Variants in LPP observed in about 807,000 individuals in gnomAD.
LPP encodes the protein LIM domain containing preferred translocation partner in lipoma.
A neutral mutation model predicts 60.4 loss-of-function variants in LPP; 38 were observed. That is an observed-to-expected ratio of 0.63 (90% CI 0.49 to 0.83). LPP has a LOEUF of 0.83. LPP is among the 40% of genes least tolerant of loss of function. The pLI is 0.00. For missense variants in LPP, 902 were observed against 783.6 expected, an observed-to-expected ratio of 1.15 and a Z score of -1.80; for synonymous variants, 328 against 290.8, an observed-to-expected ratio of 1.13 and a Z score of -1.30.
chr3:188,353,979 CA>C (rs1766751225), intron 3 of LPP, among the ~76,000 whole-genome samples: 1 of 149,106 alleles, frequency 6.7e-6, no homozygotes, highest in South Asian at 2.1e-4. Flanking sequence ...TTTTTGGTTT[CA>C]AAAAAAGGAT....
rs140751676 is a variant in LPP at position 188,862,712 on chromosome 3, C to CAAAAAAAAA, written c.1411-3481_1411-3480insAAAAAAAAA. On this transcript the variant is annotated intron_variant, in intron 9 of 11. Coordinates refer to ENST00000617246, the MANE Select transcript of LPP (RefSeq NM_001375462.1). ...TATCAATGCTGGCAACCCTACTAGA[C>CAAAAAAAAA]AAAAAAATAAATAAATAAATAAATA... is the stretch of plus-strand genomic sequence containing the variant. Among the ~76,000 whole-genome samples, 87 of 55,358 alleles carry CAAAAAAAAA rather than the reference C, an allele frequency of 1.6e-3. 3 individuals carry two copies. Among genetic ancestry groups the CAAAAAAAAA allele is most frequent in the East Asian group, 4.3e-3 (3 of 696 alleles). The allele number at this position is 55,358 out of a possible 152,430, so 36.3% of individuals were successfully genotyped here.
chr3:188,532,176 G>A (rs1822358847), intron 6 of LPP, among the ~76,000 whole-genome samples: 1 of 152,118 alleles, frequency 6.6e-6, no homozygotes, highest in Non-Finnish European at 1.5e-5. Flanking sequence ...GGAGGCTGAG[G>A]CAGGTTGATT....
intron 9 of LPP, among the ~76,000 whole-genome samples, chr3:188,771,161 A>G (rs1385289440): frequency 6.6e-6 from 1 of 152,172 alleles, no homozygotes; most frequent in Non-Finnish European, 1.5e-5. Context: ...ATTATATATT[A>G]TAACATTGTA....
intron 3 of LPP, among the ~76,000 whole-genome samples, chr3:188,355,069 C>T (rs1023764478): frequency 6.6e-6 from 1 of 152,038 alleles, no homozygotes; most frequent in Admixed American, 6.5e-5. Context: ...AGTGCAGTGG[C>T]GTGATCTCAG....
At chr3:188,780,839 C>A (rs1416691205) in intron 9 of LPP, among the ~76,000 whole-genome samples, 9 of 152,192 alleles carry the variant, frequency 5.9e-5, no homozygotes, top group Admixed American at 5.2e-4. Flanking sequence ...CAAATGTTCC[C>A]ATCACAACAG....
At chr3:188,595,275 T>C (rs1839769377) in intron 6 of LPP, among the ~76,000 whole-genome samples, 1 of 152,158 alleles carries the variant, frequency 6.6e-6, no homozygotes, top group African/African-American at 2.4e-5. Flanking sequence ...CCAAAGAATA[T>C]TTATCTTTGA....
At chr3:188,638,614 C>A (rs1849350667) in intron 7 of LPP, among the ~76,000 whole-genome samples, 1 of 148,662 alleles carries the variant, frequency 6.7e-6, no homozygotes. Context: ...ATCTAGAAAA[C>A]CCCATTGCCT....
intron 6 of LPP, among the ~76,000 whole-genome samples, chr3:188,530,316 T>C (rs1475075900): frequency 2.0e-5 from 3 of 152,264 alleles, no homozygotes; most frequent in Non-Finnish European, 4.4e-5. Flanking sequence ...AAATCCTCCA[T>C]GACGCTGCAT....
intron 2 of LPP, among the ~76,000 whole-genome samples, chr3:188,231,989 A>G (rs1720169876): frequency 6.6e-6 from 1 of 152,138 alleles, no homozygotes; most frequent in Admixed American, 6.5e-5. Flanking sequence ...CTGATATACA[A>G]CGTTACTTTG....
intron 9 of LPP, among the ~76,000 whole-genome samples, chr3:188,830,275 T>A (rs1349762348): frequency 1.3e-5 from 2 of 150,262 alleles, no homozygotes; most frequent in Non-Finnish European, 3.0e-5. Flanking sequence ...TTATTAAAAC[T>A]TATAGGCTGA....
chr3:188,663,629 A>G (rs1855098102), intron 7 of LPP, among the ~76,000 whole-genome samples: 1 of 152,172 alleles, frequency 6.6e-6, no homozygotes, highest in Non-Finnish European at 1.5e-5. Flanking sequence ...TTCTGACCCA[A>G]AGAGAAAAGC....
chr3:188,600,862 T>A (rs1416492507), intron 6 of LPP, among the ~76,000 whole-genome samples: 1 of 152,084 alleles, frequency 6.6e-6, no homozygotes, highest in Non-Finnish European at 1.5e-5. Flanking sequence ...TCAAGCTTAA[T>A]CTCTTCAAGC....
At chr3:188,341,937 T>A (rs1363495269) in intron 3 of LPP, among the ~76,000 whole-genome samples, 4 of 152,218 alleles carry the variant, frequency 2.6e-5, no homozygotes, top group Non-Finnish European at 4.4e-5. Flanking sequence ...TAAGGTTTAA[T>A]ACCAAAACCA....
rs55811112 is a variant in LPP, at chr3:188,248,468, TTATATATATATATATATA to T, written c.-67+22954_-67+22971del. Among the ~76,000 whole-genome samples, 275 of 84,156 alleles carry T rather than the reference TTATATATATATATATATA, an allele frequency of 3.3e-3. 12 individuals carry two copies. Among genetic ancestry groups the T allele is most frequent in the African/African-American group, 0.014 (256 of 18,832 alleles). 55.2% of individuals were successfully genotyped at this position (84,156 alleles called of 152,430 possible). On this transcript the variant is annotated intron_variant, in intron 2 of 11. Transcript: ENST00000617246. ...CCTAGTGTTCAGCTGCAGTATAACT[TTATATATATATATATATA>T]TATATATATATACAGTCAGCAGAGC...
chr3:188,291,215 T>G (rs907386894), intron 2 of LPP, among the ~76,000 whole-genome samples: 2 of 152,198 alleles, frequency 1.3e-5, no homozygotes, highest in African/African-American at 4.8e-5. Context: ...AGCCTGTGTG[T>G]GTATGTGTGC....
At chr3:188,698,315 G>A (rs1577078600) in intron 7 of LPP, among the ~76,000 whole-genome samples, 1 of 152,082 alleles carries the variant, frequency 6.6e-6, no homozygotes, top group Non-Finnish European at 1.5e-5. Flanking sequence ...CCTAGGTGAA[G>A]CCATCCAATG....
intron 9 of LPP, among the ~76,000 whole-genome samples, chr3:188,764,306 C>T (rs1335015834): frequency 1.3e-5 from 2 of 152,168 alleles, no homozygotes; most frequent in Non-Finnish European, 2.9e-5. Flanking sequence ...ATATTAATTT[C>T]TCCCATGTCT....
intron 3 of LPP, among the ~76,000 whole-genome samples, chr3:188,369,933 T>A (rs1318531034): frequency 1.3e-5 from 2 of 152,142 alleles, no homozygotes; most frequent in Non-Finnish European, 2.9e-5. Flanking sequence ...TTATTTCTAT[T>A]TATTTATTTA....
At chr3:188,463,431 G>A (rs937717043) in intron 4 of LPP, among the ~76,000 whole-genome samples, 1 of 151,862 alleles carries the variant, frequency 6.6e-6, no homozygotes, top group African/African-American at 2.4e-5. Context: ...CCTGGCCTCA[G>A]GTTGATCCTC....
Sources: gnomAD v4.1 joint callset for allele counts (sites outside exome capture counted in the v4.1 genomes callset) on GRCh38, gnomAD v4.1.1 for gene constraint, MANE v1.5 for transcripts, NCBI Gene and HGNC (gene_info 2026-07-23, HGNC 2026-07-21) for gene names.